The following BCAS3 variants were observed in gnomAD, a reference collection of about 807,000 sequenced individuals.
BCAS3 encodes the protein BCAS3 microtubule associated cell migration factor.
BCAS3 carries 53 observed loss-of-function variants against 116.1 expected under a neutral mutation model. The observed-to-expected ratio is 0.46, with a 90% CI of 0.37 to 0.57. The LOEUF (loss-of-function observed/expected upper bound fraction) is 0.57, where lower values mean the gene tolerates loss of function less well. BCAS3 is among the 20% of genes least tolerant of loss of function. The pLI is 0.00. For missense variants in BCAS3, 917 were observed against 1,165.4 expected (o/e 0.79, Z 3.10); for synonymous variants, 391 against 408.2 (o/e 0.96, Z 0.51).
rs768016454 is a variant in BCAS3 at position 61,302,893 on chromosome 17, G to T, written c.2426-65434G>T. ...TCTAAATTCCTTTTCCACGAAATAC[G>T]GGCTTTGAGAGAGAAGACCATCTAT... On this transcript the variant is annotated intron_variant, in intron 22 of 23. Transcript: ENST00000407086. This position sits in a 1 kb window ranked among gnomAD's most constrained non-coding sequence, Gnocchi z 4.4. Among the ~76,000 whole-genome samples, 1 of 152,138 alleles carries T rather than the reference G, an allele frequency of 6.6e-6. No homozygotes were observed. The highest frequency in any genetic ancestry group is 2.4e-5 in the African/African-American group (1 of 41,430).
chr17:60,704,943 C>T (rs983091383), intron 4 of BCAS3, among the ~76,000 whole-genome samples: 2 of 152,038 alleles, frequency 1.3e-5, no homozygotes, highest in South Asian at 4.1e-4. Context: ...CCCCCAGACA[C>T]GGTGTCTCTA....
intron 15 of BCAS3, among the ~76,000 whole-genome samples, chr17:61,005,491 C>A (rs947628695): frequency 6.6e-6 from 1 of 152,046 alleles, no homozygotes; most frequent in Non-Finnish European, 1.5e-5. Flanking sequence ...TTGGCCCTTT[C>A]GTACTGTACT....
chr17:60,990,362 A>G lies in BCAS3; in HGVS notation c.1486+127A>G. 1 of 989,416 alleles carries G rather than the reference A, an allele frequency of 1.0e-6. No homozygotes were observed. The highest frequency in any genetic ancestry group is 1.4e-6 in the Non-Finnish European group (1 of 698,440). 61.3% of individuals were successfully genotyped at this position (989,416 alleles called of 1,614,324 possible). A position where few individuals can be genotyped will look rare whatever the true frequency, so the allele number is the denominator to read the frequency against. On this transcript the variant is annotated intron_variant, in intron 15 of 23. Coordinates refer to ENST00000407086, the MANE Select transcript of BCAS3 (RefSeq NM_017679.5). The surrounding 1 kb of genome is among the most constrained non-coding windows in gnomAD (Gnocchi z 5.1). The stretch of plus-strand genomic sequence containing the variant: ...AAAAAGAAGATCTTAGGCTTATATG[A>G]AATTCTTAATTATTAAATAATTTAA...
intron 5 of BCAS3, among the ~76,000 whole-genome samples, chr17:60,718,028 G>A (rs1436956483): frequency 3.3e-5 from 5 of 152,146 alleles, no homozygotes; most frequent in Admixed American, 2.0e-4. Context: ...CGCGGTTCAC[G>A]TTAGGGTTCG....
rs1290956064 is a variant in BCAS3, at chr17:61,097,380, A to C, written c.2425+12816A>C. Among the ~76,000 whole-genome samples, 1 of 152,032 alleles carries C rather than the reference A, an allele frequency of 6.6e-6. No individual in the cohort carries two copies. The highest frequency in any genetic ancestry group is 1.5e-5 in the Non-Finnish European group (1 of 67,998). On this transcript the variant is annotated intron_variant, in intron 22 of 23. Coordinates refer to ENST00000407086, the MANE Select transcript of BCAS3 (RefSeq NM_017679.5). This position sits in a 1 kb window ranked among gnomAD's most constrained non-coding sequence, Gnocchi z 4.0. ...TTTTTAATAGAGACGGGATTTCACC[A>C]TGTTAGCCAGGATGGTCTCGATCTC...
At chr17:60,786,024 A>C (rs2046257216) in intron 6 of BCAS3, among the ~76,000 whole-genome samples, 2 of 152,208 alleles carry the variant, frequency 1.3e-5, no homozygotes, top group African/African-American at 4.8e-5. Flanking sequence ...AGTATGATGC[A>C]ATTTTATGCC....
intron 22 of BCAS3, among the ~76,000 whole-genome samples, chr17:61,291,269 C>T (rs888937307): frequency 2.0e-5 from 3 of 152,138 alleles, no homozygotes; most frequent in Non-Finnish European, 4.4e-5. Flanking sequence ...AGAAACTTAC[C>T]ATCTTAAAAG....
chr17:60,738,178 C>T (rs1472149352), intron 5 of BCAS3, among the ~76,000 whole-genome samples: 1 of 152,246 alleles, frequency 6.6e-6, no homozygotes, highest in Non-Finnish European at 1.5e-5. Context: ...GTTTATTGTG[C>T]TACTGTTGTA....
chr17:60,856,893 T>C (rs73318697), intron 7 of BCAS3, among the ~76,000 whole-genome samples: 2,261 of 152,286 alleles, frequency 0.015, 67 homozygotes, highest in African/African-American at 0.051. Flanking sequence ...TTAAATACTT[T>C]TAATTAACCC....
intron 23 of BCAS3, among the ~76,000 whole-genome samples, chr17:61,373,733 C>CCCG (rs397957674): frequency 8.5e-4 from 126 of 148,890 alleles, no homozygotes; most frequent in African/African-American, 3.1e-3. Flanking sequence ...TGCCCAGCCC[C>CCCG]TGTTTAAAGT....
intron 22 of BCAS3, among the ~76,000 whole-genome samples, chr17:61,169,112 T>G (rs2144105630): frequency 6.6e-6 from 1 of 152,314 alleles, no homozygotes; most frequent in Middle Eastern, 3.4e-3. Flanking sequence ...TAGAATATAT[T>G]TCATATTATT....
intron 14 of BCAS3, among the ~76,000 whole-genome samples, chr17:60,969,269 G>T (rs1042172347): frequency 6.6e-6 from 1 of 152,142 alleles, no homozygotes; most frequent in African/African-American, 2.4e-5. Flanking sequence ...TCTTCTAGTA[G>T]AAATTATTTT....
chr17:61,308,114 A>G (rs1486526911), intron 22 of BCAS3, among the ~76,000 whole-genome samples: 1 of 152,220 alleles, frequency 6.6e-6, no homozygotes, highest in African/African-American at 2.4e-5. Flanking sequence ...GTTGGAGTTC[A>G]CGCATCCCAG....
intron 6 of BCAS3, among the ~76,000 whole-genome samples, chr17:60,750,962 T>C (rs1438418621): frequency 6.6e-6 from 1 of 152,228 alleles, no homozygotes; most frequent in African/African-American, 2.4e-5. Flanking sequence ...ATTCAGTGTC[T>C]CACAGAGTGC....
At chr17:61,209,649 T>C (rs1412320397) in intron 22 of BCAS3, among the ~76,000 whole-genome samples, 1 of 152,180 alleles carries the variant, frequency 6.6e-6, no homozygotes, top group East Asian at 1.9e-4. Flanking sequence ...TTGAGGAATA[T>C]GAGGGGGTGT....
chr17:61,022,317 T>C (rs2065930117), intron 16 of BCAS3, among the ~76,000 whole-genome samples: 1 of 152,152 alleles, frequency 6.6e-6, no homozygotes, highest in African/African-American at 2.4e-5. Context: ...TGGCGTGATC[T>C]TGGCTCACTG....
rs913010049 is a variant in BCAS3 at position 61,019,195 on chromosome 17, A to G, written c.1637+3294A>G. Among the ~76,000 whole-genome samples the G allele has an allele frequency of 1.3e-5, 2 of 152,224 alleles. No individual in the cohort carries two copies. Among genetic ancestry groups the G allele is most frequent in the African/African-American group, 4.8e-5 (2 of 41,466 alleles). Reference sequence around the variant, plus strand: ...CACCGCCTGAGCTCTGCCTCCTGTCAGATCAGCATCGGCATTAGATTCTCG... The same window carrying G: ...CACCGCCTGAGCTCTGCCTCCTGTCGGATCAGCATCGGCATTAGATTCTCG... On this transcript the variant is annotated intron_variant, in intron 16 of 23. Transcript: ENST00000407086. The surrounding 1 kb of genome is among the most constrained non-coding windows in gnomAD (Gnocchi z 5.6).
rs2081711879 is a variant in BCAS3 at position 61,215,164 on chromosome 17, A to G, written c.2425+130600A>G. Reference sequence around the variant, plus strand: ...AGGGAGCTTCCTGAAAATGGAGGACAAGGATACATTTCACCTATGTCTTAT... The same window carrying G: ...AGGGAGCTTCCTGAAAATGGAGGACGAGGATACATTTCACCTATGTCTTAT... On this transcript the variant is annotated intron_variant, in intron 22 of 23. Coordinates refer to ENST00000407086, the MANE Select transcript of BCAS3 (RefSeq NM_017679.5). The surrounding 1 kb of genome is among the most constrained non-coding windows in gnomAD (Gnocchi z 4.8). 6.6e-6 allele frequency among the ~76,000 whole-genome samples: 1 copy of G among 152,238 alleles called. No homozygotes were observed. Among genetic ancestry groups the G allele is most frequent in the Non-Finnish European group, 1.5e-5 (1 of 68,040 alleles).
chr17:60,727,810 C>CT (rs756342642), intron 5 of BCAS3, among the ~76,000 whole-genome samples: 2,076 of 139,684 alleles, frequency 0.015, 14 homozygotes, highest in Non-Finnish European at 0.018. Context: ...TACTTTTTTC[C>CT]TTTTTTTTTT....
Sources: gnomAD v4.1 joint callset for allele counts (sites outside exome capture counted in the v4.1 genomes callset) on GRCh38, gnomAD v4.1.1 for gene constraint, Gnocchi (gnomAD v3.1) non-coding constraint, MANE v1.5 for transcripts, NCBI Gene and HGNC (gene_info 2026-07-23, HGNC 2026-07-21) for gene names.